Variants in PCSK6 observed in about 807,000 individuals in gnomAD.
PCSK6 encodes proprotein convertase subtilisin/kexin type 6.
A neutral mutation model predicts 123.3 loss-of-function variants in PCSK6; 85 were observed. The ratio of observed to expected loss-of-function variants is 0.69; its 90% CI spans 0.58 to 0.83. The LOEUF (loss-of-function observed/expected upper bound fraction) is 0.83, where lower values mean the gene tolerates loss of function less well. PCSK6 is among the 40% of genes least tolerant of loss of function. The pLI is 0.00. For missense variants in PCSK6, 1,191 were observed against 1,282.3 expected, an observed-to-expected ratio of 0.93 and a Z score of 1.09; for synonymous variants, 508 against 516.0, an observed-to-expected ratio of 0.98 and a Z score of 0.21.
intron 13 of PCSK6, among the ~76,000 whole-genome samples, chr15:101,360,174 C>T (rs958604246): frequency 3.3e-5 from 5 of 152,182 alleles, no homozygotes; most frequent in African/African-American, 4.8e-5. Flanking sequence ...GATGCTGCCC[C>T]GTCGGAGTCA....
At chr15:101,310,130 G>A (rs2039822412) in intron 20 of PCSK6, among the ~76,000 whole-genome samples, 1 of 152,072 alleles carries the variant, frequency 6.6e-6, no homozygotes, top group Non-Finnish European at 1.5e-5. Context: ...GAGAGACCCC[G>A]CAGAACCAAT....
intron 13 of PCSK6, chr15:101,347,123 T>C (rs1449037380): frequency 1.6e-6 from 2 of 1,231,788 alleles, no homozygotes; most frequent in Non-Finnish European, 2.0e-6. Flanking sequence ...TACTCTATAA[T>C]TGCACTTTCC....
At chr15:101,325,076 C>T in intron 16 of PCSK6, 30 bp from the exon 17 acceptor site, 1 of 1,546,560 alleles carries the variant, frequency 6.5e-7, no homozygotes, top group Non-Finnish European at 8.8e-7. Flanking sequence ...AGGGTGAGGG[C>T]CTTGCCAACC....
intron 6 of PCSK6, among the ~76,000 whole-genome samples, chr15:101,404,917 G>A (rs2042723013): frequency 6.6e-6 from 1 of 152,158 alleles, no homozygotes; most frequent in Non-Finnish European, 1.5e-5. Context: ...TTTTGAACAA[G>A]AAGAACGGGA....
At chr15:101,410,728 T>C (rs1000914) in intron 6 of PCSK6, among the ~76,000 whole-genome samples, 53,822 of 152,148 alleles carry the variant, frequency 0.35, 11,884 homozygotes, top group African/African-American at 0.64. Context: ...CAGAAGGCTA[T>C]GATTGCAAAG....
chr15:101,370,258 C>T (rs919546371), intron 12 of PCSK6, 77 bp downstream of exon 12: 3 of 1,275,760 alleles, frequency 2.4e-6, no homozygotes, highest in South Asian at 1.9e-5. Context: ...ACTGTGGGCC[C>T]AAGACTGGAC....
chr15:101,317,501 A>C (rs1239065336), intron 19 of PCSK6, among the ~76,000 whole-genome samples: 1 of 138,492 alleles, frequency 7.2e-6, no homozygotes, highest in East Asian at 2.0e-4. Context: ...AATTGTTTAT[A>C]GAATTCTTTT....
chr15:101,326,518 C>A, intron 15 of PCSK6, 39 bp from the exon 16 acceptor site: 1 of 1,517,530 alleles, frequency 6.6e-7, no homozygotes, highest in African/African-American at 1.4e-5. Flanking sequence ...CAGAGAGACG[C>A]CTTCTCCATC....
At position 101,307,270 on chromosome 15, in the gene PCSK6, T is replaced by C. The variant is rs367573381; in HGVS notation, c.2755A>G (p.Lys919Glu). 1.9e-6 allele frequency: 3 copies of C among 1,613,716 alleles called. No individual in the cohort carries two copies. Among genetic ancestry groups the C allele is most frequent in the African/African-American group, 2.7e-5 (2 of 74,906 alleles). ...AGSSRNCSRC[K>E]TGFTQLGTSC... ...GTCCCCAGCTGTGTGAAGCCCGTCT[T>C]ACACCTGCTACAGTTCCTGCTGGAG... The change falls in exon 21 of 22, where the codon AAG becomes GAG. Residue 919 changes from lysine to glutamate, a missense_variant. Lys to Glu is a moderately conservative substitution (Grantham distance 56). This residue lies in a region of PCSK6 where 630 missense variants were observed against 631.4 expected (regional missense o/e 1.00). Coordinates refer to ENST00000611716, the MANE Select transcript of PCSK6 (RefSeq NM_002570.5).
chr15:101,489,454 G>T lies in PCSK6; in HGVS notation c.217C>A (p.His73Asn), dbSNP rs1213166082. ...CCGCCCAGCACTTGCACCGCCCAGT[G>T]GTTGGTGTAGACGGGGCGCGGCGGG... ...APPPRPVYTNHWAVQVLGGPA... is the reference protein window; with the variant it reads ...APPPRPVYTNNWAVQVLGGPA... The change falls in exon 1 of 22, where the codon CAC becomes AAC. Residue 73 changes from histidine to asparagine, a missense_variant. By Grantham distance (68) the His-to-Asn change is moderately conservative (BLOSUM62 1). This residue lies in a region of PCSK6 where 204 missense variants were observed against 166.4 expected (regional missense o/e 1.23). Coordinates refer to ENST00000611716, the MANE Select transcript of PCSK6 (RefSeq NM_002570.5). 428 of 1,193,630 alleles carry T rather than the reference G, an allele frequency of 3.6e-4. No homozygotes were observed. Among genetic ancestry groups the T allele is most frequent in the Non-Finnish European group, 4.1e-4 (395 of 957,506 alleles). The allele number at this position is 1,193,630 out of a possible 1,614,324, so 73.9% of individuals were successfully genotyped here.
At chr15:101,312,297 A>C (rs1226582105) in intron 20 of PCSK6, 1 of 151,864 alleles carries the variant, frequency 6.6e-6, no homozygotes, top group African/African-American at 2.4e-5. Context: ...ACATAGGGCA[A>C]TATTCAGCCA....
chr15:101,422,009 A>C (rs2141090405), intron 6 of PCSK6, among the ~76,000 whole-genome samples: 1 of 152,348 alleles, frequency 6.6e-6, no homozygotes, highest in East Asian at 1.9e-4. Flanking sequence ...ACTGAAGAAC[A>C]ACCAGAAAAG....
At chr15:101,419,718 C>T (rs947224397) in intron 6 of PCSK6, among the ~76,000 whole-genome samples, 6 of 151,640 alleles carry the variant, frequency 4.0e-5, no homozygotes, top group Admixed American at 2.6e-4. Flanking sequence ...TAATTCAAAG[C>T]GTGGTATTGT....
chr15:101,334,844 A>G (rs2040441654), intron 13 of PCSK6, among the ~76,000 whole-genome samples: 1 of 151,736 alleles, frequency 6.6e-6, no homozygotes, highest in Admixed American at 6.5e-5. Flanking sequence ...GAGAGCAGGA[A>G]GAATTCCCAG....
chr15:101,408,262 C>T lies in PCSK6; in HGVS notation c.824-9686G>A, dbSNP rs117748165. On this transcript the variant is annotated intron_variant, in intron 6 of 21. Coordinates refer to ENST00000611716, the MANE Select transcript of PCSK6 (RefSeq NM_002570.5). ...GACGGCGAAAAGGAGACGTTCATGC[C>T]GCCATGAACAAAGGCCACCCAGGAG... is the stretch of plus-strand genomic sequence containing the variant. Among the ~76,000 whole-genome samples, 489 of 152,336 alleles carry T rather than the reference C, an allele frequency of 3.2e-3. 1 individual carries two copies. Among genetic ancestry groups the T allele is most frequent in the Non-Finnish European group, 5.4e-3 (365 of 68,038 alleles).
intron 12 of PCSK6, among the ~76,000 whole-genome samples, chr15:101,367,283 T>A (rs2041427741): frequency 6.6e-6 from 1 of 152,192 alleles, no homozygotes; most frequent in Admixed American, 6.5e-5. Context: ...CAATTCCAGG[T>A]TTTTTCCTCT....
At chr15:101,424,644 G>C (rs749197533) in intron 6 of PCSK6, among the ~76,000 whole-genome samples, 8 of 152,202 alleles carry the variant, frequency 5.3e-5, no homozygotes, top group Non-Finnish European at 7.3e-5. Context: ...TGTATTTCTT[G>C]TCATAAGTAG....
At chr15:101,476,806 T>C (rs999735602) in intron 1 of PCSK6, among the ~76,000 whole-genome samples, 1 of 152,232 alleles carries the variant, frequency 6.6e-6, no homozygotes, top group African/African-American at 2.4e-5. Context: ...TAAATTTATA[T>C]GCAATGTATA....
chr15:101,453,805 A>G (rs1232425232), intron 1 of PCSK6, among the ~76,000 whole-genome samples: 1 of 152,222 alleles, frequency 6.6e-6, no homozygotes, highest in African/African-American at 2.4e-5. Context: ...AGAAAGTCTC[A>G]TCTAGAGAAT....
Sources: allele counts gnomAD v4.1 joint callset (sites outside exome capture counted in the v4.1 genomes callset), GRCh38; gene constraint gnomAD v4.1.1; regional missense constraint gnomAD v4.1.1; transcripts MANE v1.5; gene names NCBI Gene and HGNC (gene_info 2026-07-23, HGNC 2026-07-21).